The following ARL8B variants were observed in gnomAD, a reference collection of about 807,000 sequenced individuals.
The protein encoded by ARL8B is ARF like GTPase 8B.
In ARL8B, 9 loss-of-function variants were observed where a neutral mutation model predicts 30.6. The observed-to-expected ratio is 0.29, with a 90% CI of 0.18 to 0.51. The LOEUF is 0.51. ARL8B is among the 20% of genes least tolerant of loss of function. ARL8B has a pLI of 0.97. For synonymous variants in ARL8B, 74 were observed against 76.0 expected (o/e 0.97, Z 0.14); for missense variants, 130 against 227.2 (o/e 0.57, Z 2.75).
In ARL8B at chr3:5,122,451, C is replaced by G. The variant is rs775434253; in HGVS notation, c.-15C>G. 1 of 1,612,338 alleles carries G rather than the reference C, an allele frequency of 6.2e-7. No homozygotes were observed. The highest frequency in any genetic ancestry group is 2.2e-5 in the East Asian group (1 of 44,858). The stretch of plus-strand genomic sequence containing the variant: ...TCGTCCGTCCTCCCGTCCGTTCTCG[C>G]TCCCGGCCGCCATCATGCTGGCGCT... On this transcript the variant is annotated 5_prime_UTR_variant, in exon 1 of 7. Transcript: ENST00000256496.
At chr3:5,164,237 A>G (rs1201798443) in intron 1 of ARL8B, among the ~76,000 whole-genome samples, 2 of 152,204 alleles carry the variant, frequency 1.3e-5, no homozygotes, top group African/African-American at 4.8e-5. Flanking sequence ...TAACTCTTCT[A>G]CTTTTTCCTG....
intron 1 of ARL8B, among the ~76,000 whole-genome samples, chr3:5,139,135 C>T (rs1378125352): frequency 6.6e-6 from 1 of 152,070 alleles, no homozygotes; most frequent in Non-Finnish European, 1.5e-5. Flanking sequence ...ATGAGACAAT[C>T]CATATGATAC....
chr3:5,156,107 T>C (rs749629293), intron 1 of ARL8B, among the ~76,000 whole-genome samples: 6 of 152,108 alleles, frequency 3.9e-5, no homozygotes, highest in Non-Finnish European at 8.8e-5. Context: ...TACACTATGT[T>C]AGCCAGGCTG....
intron 1 of ARL8B, among the ~76,000 whole-genome samples, chr3:5,158,342 A>G (rs1388850476): frequency 1.3e-5 from 2 of 152,190 alleles, no homozygotes; most frequent in African/African-American, 2.4e-5. Flanking sequence ...AGGTAATGGT[A>G]TTCAGTGGAA....
chr3:5,169,206 T>C (rs181471907), intron 1 of ARL8B, among the ~76,000 whole-genome samples: 1 of 152,314 alleles, frequency 6.6e-6, no homozygotes, highest in East Asian at 1.9e-4. Flanking sequence ...AAATTTGTTA[T>C]CTTTTCAAAC....
chr3:5,126,639 T>G (rs186047735), intron 1 of ARL8B, among the ~76,000 whole-genome samples: 5 of 152,322 alleles, frequency 3.3e-5, no homozygotes, highest in African/African-American at 1.2e-4. Flanking sequence ...ATGCCTTTCC[T>G]TAGGATTTTA....
chr3:5,156,063 C>T (rs1434078845), intron 1 of ARL8B, among the ~76,000 whole-genome samples: 1 of 151,984 alleles, frequency 6.6e-6, no homozygotes, highest in African/African-American at 2.4e-5. Flanking sequence ...CCACCATGCC[C>T]ATCTAATTTT....
chr3:5,126,755 G>A (rs182370339), intron 1 of ARL8B, among the ~76,000 whole-genome samples: 62 of 152,186 alleles, frequency 4.1e-4, no homozygotes, highest in Non-Finnish European at 7.5e-4. Context: ...CCCTAGTCTT[G>A]TCTTTTCTGA....
intron 1 of ARL8B, among the ~76,000 whole-genome samples, chr3:5,131,637 C>A (rs1413638185): frequency 6.6e-6 from 1 of 152,020 alleles, no homozygotes; most frequent in Admixed American, 6.6e-5. Flanking sequence ...GTGATCCACC[C>A]ACCTCGGCCT....
At chr3:5,136,430 C>G (rs1431964102) in intron 1 of ARL8B, among the ~76,000 whole-genome samples, 1 of 152,104 alleles carries the variant, frequency 6.6e-6, no homozygotes, top group Non-Finnish European at 1.5e-5. Context: ...TTTACACATC[C>G]TTTAGGGTCT....
At chr3:5,155,794 T>TAA (rs2054527805) in intron 1 of ARL8B, among the ~76,000 whole-genome samples, 1 of 151,952 alleles carries the variant, frequency 6.6e-6, no homozygotes, top group Admixed American at 6.6e-5. Flanking sequence ...TACCTCTTTA[T>TAA]TGGTATTTCT....
chr3:5,170,120 A>G (rs2054659763), intron 1 of ARL8B, among the ~76,000 whole-genome samples: 2 of 152,222 alleles, frequency 1.3e-5, no homozygotes, highest in Admixed American at 6.5e-5. Flanking sequence ...AGTGAATTTT[A>G]ATAGTTACTG....
intron 6 of ARL8B, 129 bp downstream of exon 6, chr3:5,174,543 GA>G: frequency 1.6e-6 from 1 of 625,254 alleles, no homozygotes; most frequent in Non-Finnish European, 2.8e-6. Context: ...TTTTGCCTGA[GA>G]AAAAAGAATA....
intron 1 of ARL8B, among the ~76,000 whole-genome samples, chr3:5,141,750 C>G (rs2054375348): frequency 1.3e-5 from 2 of 152,302 alleles, no homozygotes; most frequent in South Asian, 4.1e-4. Flanking sequence ...CACTTACACC[C>G]CCTTTTTCTG....
At chr3:5,134,693 G>C (rs1337082095) in intron 1 of ARL8B, among the ~76,000 whole-genome samples, 2 of 152,102 alleles carry the variant, frequency 1.3e-5, no homozygotes, top group African/African-American at 4.8e-5. Context: ...TGTGATCCTT[G>C]GTCCTCATAG....
chr3:5,122,902 T>A (rs1296727638), intron 1 of ARL8B, among the ~76,000 whole-genome samples: 2 of 152,190 alleles, frequency 1.3e-5, no homozygotes, highest in African/African-American at 4.8e-5. Context: ...GCTTGGGGAT[T>A]GGGGTTTCCC....
Position 5,174,052 on chromosome 3 carries a change from TG to T in ARL8B, c.409del (p.Ala137ProfsTer7). On this transcript the variant is annotated frameshift_variant, in exon 5 of 7. Coordinates refer to ENST00000256496, the MANE Select transcript of ARL8B (RefSeq NM_018184.3). LOFTEE classifies it high-confidence loss of function. ...VLGNKRDLPN[A>X]LDEKQLIEKM... ...TTGGAAACAAGAGAGATCTTCCTAATGCCTTGGATGAGAAACAGCTAATTGA... is the reference window on the plus strand; with the variant it reads ...TTGGAAACAAGAGAGATCTTCCTAATCCTTGGATGAGAAACAGCTAATTGA... 6.2e-7 allele frequency: 1 copy of T among 1,612,822 alleles called. No individual in the cohort carries two copies. Among genetic ancestry groups the T allele is most frequent in the Non-Finnish European group, 8.5e-7 (1 of 1,179,122 alleles).
chr3:5,150,153 GTTA>G (rs945166755), intron 1 of ARL8B, among the ~76,000 whole-genome samples: 4 of 152,122 alleles, frequency 2.6e-5, no homozygotes, highest in Admixed American at 1.3e-4. Context: ...TAGAATTCGT[GTTA>G]TTCTTTAATG....
chr3:5,178,350 CTTTTTTTTTTTT>C lies in ARL8B; in HGVS notation c.512-304_512-293del, dbSNP rs376669879. The stretch of plus-strand genomic sequence containing the variant: ...CCTTGAGGGCAAACAGGGGTTATTC[CTTTTTTTTTTTT>C]TTTTTTTTTGCCTTCCTGGCAATTT... On this transcript the variant is annotated intron_variant, in intron 6 of 6. Coordinates refer to ENST00000256496, the MANE Select transcript of ARL8B (RefSeq NM_018184.3). Among the ~76,000 whole-genome samples the C allele has an allele frequency of 2.6e-3, 295 of 115,296 alleles. 3 individuals carry two copies. The highest frequency in any genetic ancestry group is 0.014 in the South Asian group (50 of 3,578). The allele number at this position is 115,296 out of a possible 152,430, so 75.6% of individuals were successfully genotyped here.
Sources: gnomAD v4.1 joint callset for allele counts (sites outside exome capture counted in the v4.1 genomes callset) on GRCh38, gnomAD v4.1.1 for gene constraint, MANE v1.5 for transcripts, NCBI Gene and HGNC (gene_info 2026-07-23, HGNC 2026-07-21) for gene names.